The following ABCB5 variants were observed in gnomAD, a reference collection of about 807,000 sequenced individuals.
The protein encoded by ABCB5 is ATP-binding cassette sub-family B member 5.
In ABCB5, 155 loss-of-function variants were observed where a neutral mutation model predicts 144.2. The ratio of observed to expected loss-of-function variants is 1.08; its 90% CI spans 0.94 to 1.23. The LOEUF (loss-of-function observed/expected upper bound fraction) is 1.23. Ranked by LOEUF, ABCB5 falls within the 50% of genes most tolerant of loss-of-function variation. ABCB5 has a pLI of 0.00. For missense variants in ABCB5, 1,830 were observed against 1,520.8 expected, an observed-to-expected ratio of 1.20 and a Z score of -3.38; for synonymous variants, 610 against 528.6, an observed-to-expected ratio of 1.15 and a Z score of -2.11.
rs1358296767 is a variant in ABCB5 at position 20,728,399 on chromosome 7, T to C, written c.2811T>C (p.Phe937=). ...TATATTTTGCCTATGCGGCAGGGTT[T>C]CGATTTGGAGCCTATTTAATTCAAG... ...AFIYFAYAAG[F]RFGAYLIQAG... Residue 937 remains phenylalanine (F), a synonymous_variant, in exon 23 of 28, where the codon TTT becomes TTC. Transcript: ENST00000404938. The C allele has an allele frequency of 6.2e-7, 1 of 1,614,178 alleles. No individual in the cohort carries two copies. The highest frequency in any genetic ancestry group is 8.5e-7 in the Non-Finnish European group (1 of 1,180,022).
intron 14 of ABCB5, among the ~76,000 whole-genome samples, chr7:20,662,514 G>A (rs911072546): frequency 6.6e-6 from 1 of 152,142 alleles, no homozygotes; most frequent in African/African-American, 2.4e-5. Flanking sequence ...CATTTTGAAT[G>A]TCTGTGTCAA....
rs190269948 is a variant in ABCB5, at chr7:20,667,580, T to C, written c.1707+8904T>C. On this transcript the variant is annotated intron_variant, in intron 14 of 27. Coordinates refer to ENST00000404938, the MANE Select transcript of ABCB5 (RefSeq NM_001163941.2). ...TTAATTTGAGAACTGTTGGAGAGTA[T>C]TGTGAAATCATTGAGCTAATGGGTC... 6 of 959,112 alleles carry C rather than the reference T, an allele frequency of 6.3e-6. No individual in the cohort carries two copies. The African/African-American group carries it at 8.8e-5, about 14-fold the overall frequency. 59.4% of individuals were successfully genotyped at this position (959,112 alleles called of 1,614,324 possible).
At chr7:20,726,876 T>G (rs192025161) in intron 21 of ABCB5, among the ~76,000 whole-genome samples, 164 bp from the exon 22 acceptor site, 2 of 152,350 alleles carry the variant, frequency 1.3e-5, no homozygotes, top group African/African-American at 4.8e-5. Flanking sequence ...GTCATTTTTC[T>G]ATCTTATTTT....
At chr7:20,621,390 T>C (rs1583372544) in intron 1 of ABCB5, among the ~76,000 whole-genome samples, 2 of 152,158 alleles carry the variant, frequency 1.3e-5, no homozygotes, top group African/African-American at 2.4e-5. Context: ...AATTTTGTTA[T>C]GTATATTTTG....
intron 14 of ABCB5, among the ~76,000 whole-genome samples, chr7:20,669,736 A>AG (rs1785400428): frequency 8.2e-5 from 9 of 109,950 alleles, no homozygotes; most frequent in South Asian, 3.9e-4. Context: ...AAAAAAAAAA[A>AG]AAAAAAAGAA....
intron 3 of ABCB5, among the ~76,000 whole-genome samples, chr7:20,627,406 G>C (rs1017488082): frequency 9.2e-5 from 14 of 152,256 alleles, no homozygotes; most frequent in Admixed American, 9.2e-4. Context: ...TTGCAACGAT[G>C]AATGGAAAAA....
At chr7:20,639,254 A>G (rs1358233651) in intron 5 of ABCB5, among the ~76,000 whole-genome samples, 2 of 152,148 alleles carry the variant, frequency 1.3e-5, no homozygotes, top group African/African-American at 4.8e-5. Flanking sequence ...TCTGATTGCA[A>G]GTTCTTTGTT....
In ABCB5 at chr7:20,755,827, G is replaced by GA. The variant is rs1783072676; in HGVS notation, c.*206dup. 1 of 556,224 alleles carries GA rather than the reference G, an allele frequency of 1.8e-6. No homozygotes were observed. Among genetic ancestry groups the GA allele is most frequent in the African/African-American group, 1.9e-5 (1 of 53,070 alleles). The allele number at this position is 556,224 out of a possible 1,614,324, so 34.5% of individuals were successfully genotyped here. ...AAAAATTTGCTTATTTCATGTAAGT[G>GA]AAATAATGCTTATATCCTTCACTTT... On this transcript the variant is annotated 3_prime_UTR_variant, in exon 28 of 28. Coordinates refer to ENST00000404938, the MANE Select transcript of ABCB5 (RefSeq NM_001163941.2).
intron 13 of ABCB5, among the ~76,000 whole-genome samples, chr7:20,653,625 A>T (rs1250464963): frequency 6.6e-6 from 1 of 152,204 alleles, no homozygotes; most frequent in Admixed American, 6.5e-5. Flanking sequence ...TACTCCATGA[A>T]TTCTGTCTGG....
At chr7:20,642,137 T>G (rs1175671449) in intron 5 of ABCB5, among the ~76,000 whole-genome samples, 1 of 152,166 alleles carries the variant, frequency 6.6e-6, no homozygotes. Context: ...GAACAGATAA[T>G]GCCATCCCAT....
intron 20 of ABCB5, among the ~76,000 whole-genome samples, chr7:20,722,607 G>A (rs1781904957): frequency 6.6e-6 from 1 of 152,098 alleles, no homozygotes; most frequent in Non-Finnish European, 1.5e-5. Flanking sequence ...ATCACCTGAG[G>A]TCAGGAGTTT....
chr7:20,728,229 G>C, intron 22 of ABCB5, 86 bp from the exon 23 acceptor site: 1 of 1,394,410 alleles, frequency 7.2e-7, no homozygotes. Flanking sequence ...ACATTTCAAA[G>C]TCCTCTCTAT....
chr7:20,624,814 G>A (rs1437988798), intron 2 of ABCB5, among the ~76,000 whole-genome samples: 2 of 152,216 alleles, frequency 1.3e-5, no homozygotes, highest in African/African-American at 2.4e-5. Context: ...GAGCTAGTGC[G>A]GCTGTGACCC....
intron 5 of ABCB5, among the ~76,000 whole-genome samples, chr7:20,635,175 T>C (rs1784128134): frequency 1.3e-5 from 2 of 152,052 alleles, no homozygotes; most frequent in African/African-American, 4.8e-5. Flanking sequence ...TTTCCCAGTG[T>C]ATGTTTTTGT....
intron 20 of ABCB5, among the ~76,000 whole-genome samples, chr7:20,721,120 T>C (rs1230524948): frequency 4.6e-5 from 7 of 152,164 alleles, no homozygotes; most frequent in African/African-American, 1.2e-4. Flanking sequence ...ACGATAGTTA[T>C]GTAGTTTCCT....
chr7:20,716,535 C>T (rs1321809052), intron 20 of ABCB5, among the ~76,000 whole-genome samples: 2 of 151,926 alleles, frequency 1.3e-5, no homozygotes, highest in Admixed American at 6.6e-5. Flanking sequence ...AGATTTTAAA[C>T]ACAGTACTTT....
chr7:20,749,691 AATAATT>A (rs1280538085), intron 26 of ABCB5, among the ~76,000 whole-genome samples: 2 of 152,090 alleles, frequency 1.3e-5, no homozygotes, highest in Non-Finnish European at 2.9e-5. Context: ...AACACATACA[AATAATT>A]ATAGTGCACA....
chr7:20,626,836 TTTTAAAA>T lies in ABCB5; in HGVS notation c.108+226_108+232del, dbSNP rs574668025. 4.2e-4 allele frequency among the ~76,000 whole-genome samples: 62 copies of T among 149,342 alleles called. 2 individuals carry two copies. Among genetic ancestry groups the T allele is most frequent in the Admixed American group, 3.5e-3 (51 of 14,702 alleles). Reference sequence around the variant, plus strand: ...ATAACATCCACATAATGACTCAGTGTTTTAAAAGTGTTTTTGGGGTGTGTGTGTGTGT... The same window carrying T: ...ATAACATCCACATAATGACTCAGTGTGTGTTTTTGGGGTGTGTGTGTGTGT... On this transcript the variant is annotated intron_variant, in intron 3 of 27. Transcript: ENST00000404938.
Position 20,647,632 on chromosome 7 carries a change from T to A in ABCB5, c.1079T>A (p.Phe360Tyr). The change falls in exon 10 of 28, where the codon TTC becomes TAC. Residue 360 changes from phenylalanine to tyrosine, a missense_variant. By Grantham distance (22) the Phe-to-Tyr change is conservative. Coordinates refer to ENST00000404938, the MANE Select transcript of ABCB5 (RefSeq NM_001163941.2). ...AIARGAAFHI[F>Y]QVIDKKPSID... ...GCCCGAGGAGCTGCCTTTCATATTT[T>A]CCAGGTTATTGATAAGGTAAGACCT... The A allele has an allele frequency of 6.4e-7, 1 of 1,571,250 alleles. No individual in the cohort carries two copies. The highest frequency in any genetic ancestry group is 8.6e-7 in the Non-Finnish European group (1 of 1,156,512).
Sources: gnomAD v4.1 joint callset for allele counts (sites outside exome capture counted in the v4.1 genomes callset) on GRCh38, gnomAD v4.1.1 for gene constraint, MANE v1.5 for transcripts, NCBI Gene and HGNC (gene_info 2026-07-23, HGNC 2026-07-21) for gene names.